SORCS2: variants seen among roughly 807,000 people sequenced by gnomAD.
SORCS2 encodes sortilin related VPS10 domain containing receptor 2.
A neutral mutation model predicts 141.6 loss-of-function variants in SORCS2; 100 were observed. That is an observed-to-expected ratio of 0.71 (90% CI 0.60 to 0.83). SORCS2 has a LOEUF of 0.83. SORCS2 is among the 40% of genes least tolerant of loss of function. The probability of loss-of-function intolerance (pLI) is 0.00; values close to 1 mark genes in which losing one functional copy is unlikely to be tolerated. For synonymous variants in SORCS2, 789 were observed against 676.9 expected (o/e 1.17, Z -2.57); for missense variants, 1,646 against 1,560.2 (o/e 1.05, Z -0.93).
intron 1 of SORCS2, among the ~76,000 whole-genome samples, chr4:7,302,622 A>G (rs1393483136): frequency 6.6e-6 from 1 of 152,112 alleles, no homozygotes; most frequent in East Asian, 1.9e-4. Flanking sequence ...CATGGCAATG[A>G]CCACAGTTGG....
chr4:7,320,851 C>CCCTCCCTTCCTCCATTCCTCCCTT (rs1718853498), intron 1 of SORCS2, among the ~76,000 whole-genome samples: 2 of 151,564 alleles, frequency 1.3e-5, no homozygotes, highest in Admixed American at 1.3e-4. Context: ...ATGGGACCCA[C>CCCTCCCTTCCTCCATTCCTCCCTT]CCTCCCTTCC....
intron 2 of SORCS2, among the ~76,000 whole-genome samples, chr4:7,419,471 T>C (rs6446599): frequency 0.5 from 75,952 of 152,046 alleles, 19,315 homozygotes; most frequent in Middle Eastern, 0.61. Flanking sequence ...GCAATGGGCC[T>C]TGTATTGAAT....
intron 2 of SORCS2, among the ~76,000 whole-genome samples, chr4:7,501,569 A>T (rs1386914979): frequency 9.2e-5 from 14 of 152,196 alleles, no homozygotes; most frequent in Admixed American, 9.2e-4. Context: ...GCTTCATGCC[A>T]AATACATCAA....
At chr4:7,675,253 A>G (rs1468610546) in intron 8 of SORCS2, among the ~76,000 whole-genome samples, 1 of 152,168 alleles carries the variant, frequency 6.6e-6, no homozygotes, top group Non-Finnish European at 1.5e-5. Flanking sequence ...TGCCCAACAC[A>G]CCTGCTTCTG....
At chr4:7,253,119 C>G (rs925245340) in intron 1 of SORCS2, among the ~76,000 whole-genome samples, 1 of 152,256 alleles carries the variant, frequency 6.6e-6, no homozygotes, top group African/African-American at 2.4e-5. Context: ...TCAAGGGTGT[C>G]CTGGTGATCA....
intron 11 of SORCS2, among the ~76,000 whole-genome samples, chr4:7,696,524 G>T (rs1724719092): frequency 6.6e-6 from 1 of 152,142 alleles, no homozygotes; most frequent in African/African-American, 2.4e-5. Flanking sequence ...TGGCTTGGAT[G>T]CTGGCCATGA....
At chr4:7,434,134 C>A in intron 2 of SORCS2, 1 of 1,613,682 alleles carries the variant, frequency 6.2e-7, no homozygotes, top group Non-Finnish European at 8.5e-7. Context: ...TCCCCCCTTC[C>A]TGCAGAGCTC....
intron 1 of SORCS2, among the ~76,000 whole-genome samples, chr4:7,263,069 CAG>C (rs374875372): frequency 2.0e-5 from 3 of 152,244 alleles, no homozygotes; most frequent in African/African-American, 7.2e-5. Context: ...GCTTTGGAAC[CAG>C]AGACCTGCGA....
chr4:7,639,447 AGTGCATGT>A (rs901784812), intron 4 of SORCS2, among the ~76,000 whole-genome samples: 24 of 148,182 alleles, frequency 1.6e-4, no homozygotes, highest in African/African-American at 5.4e-4. Context: ...TAAGTGTGTG[AGTGCATGT>A]GTGTGGGTGT....
chr4:7,624,682 G>T (rs138280908), intron 3 of SORCS2, among the ~76,000 whole-genome samples: 1 of 152,168 alleles, frequency 6.6e-6, no homozygotes, highest in Non-Finnish European at 1.5e-5. Context: ...TTGTTCACAC[G>T]TCCAACCGTA....
intron 3 of SORCS2, among the ~76,000 whole-genome samples, chr4:7,601,242 C>T (rs2158278): frequency 0.62 from 93,655 of 151,910 alleles, 29,959 homozygotes; most frequent in Non-Finnish European, 0.66. Flanking sequence ...AAAAAACCAG[C>T]TTTGATTTAG....
At chr4:7,517,371 T>A (rs1733054979) in intron 2 of SORCS2, among the ~76,000 whole-genome samples, 1 of 152,236 alleles carries the variant, frequency 6.6e-6, no homozygotes, top group Non-Finnish European at 1.5e-5. Flanking sequence ...AATTTTTGTA[T>A]CTTATATGTA....
At chr4:7,484,612 T>C (rs1440111071) in intron 2 of SORCS2, among the ~76,000 whole-genome samples, 1 of 152,136 alleles carries the variant, frequency 6.6e-6, no homozygotes, top group East Asian at 1.9e-4. Flanking sequence ...CCTGGGGAGC[T>C]CTGCAAGCAA....
chr4:7,352,017 T>A (rs559106555), intron 1 of SORCS2, among the ~76,000 whole-genome samples: 1 of 152,012 alleles, frequency 6.6e-6, no homozygotes, highest in Non-Finnish European at 1.5e-5. Flanking sequence ...CACCCCTTAA[T>A]CCATTAATCC....
At chr4:7,384,503 C>G (rs75823445) in intron 1 of SORCS2, among the ~76,000 whole-genome samples, 2 of 152,066 alleles carry the variant, frequency 1.3e-5, no homozygotes, top group African/African-American at 4.8e-5. Flanking sequence ...GGTTAAGGTG[C>G]GTACACGGGG....
intron 1 of SORCS2, among the ~76,000 whole-genome samples, chr4:7,377,256 T>G (rs1400611329): frequency 6.6e-6 from 1 of 152,160 alleles, no homozygotes; most frequent in South Asian, 2.1e-4. Flanking sequence ...AGGGGTTGTT[T>G]CTGGCTTGTT....
At chr4:7,456,674 A>G (rs1728934101) in intron 2 of SORCS2, among the ~76,000 whole-genome samples, 1 of 152,044 alleles carries the variant, frequency 6.6e-6, no homozygotes, top group African/African-American at 2.4e-5. Context: ...AAACCCTTGG[A>G]TTTTTGCTCT....
At chr4:7,665,190 C>T (rs749962284) in intron 7 of SORCS2, among the ~76,000 whole-genome samples, 5 of 152,220 alleles carry the variant, frequency 3.3e-5, no homozygotes, top group Admixed American at 1.3e-4. Flanking sequence ...GAAGGGCCTC[C>T]GTGCTTCCCA....
At chr4:7,273,292 A>G (rs1295943508) in intron 1 of SORCS2, among the ~76,000 whole-genome samples, 10 of 152,158 alleles carry the variant, frequency 6.6e-5, no homozygotes, top group Admixed American at 2.6e-4. Flanking sequence ...GTGGATGGAG[A>G]GAAGAAAATC....
Sources: gnomAD v4.1 joint callset for allele counts (sites outside exome capture counted in the v4.1 genomes callset) on GRCh38, gnomAD v4.1.1 for gene constraint, MANE v1.5 for transcripts, NCBI Gene and HGNC (gene_info 2026-07-23, HGNC 2026-07-21) for gene names.